Variants in CTNNA3 observed in about 807,000 individuals in gnomAD.
The protein encoded by CTNNA3 is catenin alpha 3, also known as catenin alpha-3.
A neutral mutation model predicts 95.7 loss-of-function variants in CTNNA3; 76 were observed. That is an observed-to-expected ratio of 0.79 (90% CI 0.66 to 0.96). The LOEUF (loss-of-function observed/expected upper bound fraction) is 0.96. Ranked by LOEUF, CTNNA3 falls within the 40% of genes least tolerant of loss-of-function variation. The pLI is 0.00. For missense variants in CTNNA3, 1,191 were observed against 1,089.8 expected (o/e 1.09, Z -1.31); for synonymous variants, 431 against 374.4 (o/e 1.15, Z -1.74).
chr10:66,518,034 C>A (rs1039944320), intron 11 of CTNNA3, among the ~76,000 whole-genome samples: 1 of 152,098 alleles, frequency 6.6e-6, no homozygotes, highest in Non-Finnish European at 1.5e-5. Flanking sequence ...CCAAGTCCTC[C>A]GTTTGCTAGG....
chr10:66,730,105 G>GGA (rs1554842374), intron 9 of CTNNA3, among the ~76,000 whole-genome samples: 7 of 134,210 alleles, frequency 5.2e-5, no homozygotes, highest in Admixed American at 1.5e-4. Flanking sequence ...TACTCTGTCT[G>GGA]AAAAAAAAAA....
intron 7 of CTNNA3, among the ~76,000 whole-genome samples, chr10:67,108,616 T>C (rs997838053): frequency 6.6e-6 from 1 of 152,180 alleles, no homozygotes; most frequent in Admixed American, 6.5e-5. Flanking sequence ...TGTGAAATGA[T>C]TGGGTTTGCT....
At chr10:66,846,510 A>G (rs1843284563) in intron 7 of CTNNA3, among the ~76,000 whole-genome samples, 1 of 151,658 alleles carries the variant, frequency 6.6e-6, no homozygotes, top group African/African-American at 2.4e-5. Context: ...ATGAGGGGAT[A>G]GATATGTTTG....
chr10:65,998,242 A>C (rs2078704303), intron 15 of CTNNA3, among the ~76,000 whole-genome samples: 1 of 152,216 alleles, frequency 6.6e-6, no homozygotes, highest in Non-Finnish European at 1.5e-5. Context: ...AGAAAAATGC[A>C]TACTGTTTTT....
chr10:67,687,487 G>A (rs1840756342), intron 1 of CTNNA3, among the ~76,000 whole-genome samples: 1 of 152,148 alleles, frequency 6.6e-6, no homozygotes, highest in African/African-American at 2.4e-5. Context: ...GAACCACCAA[G>A]GTTTGTTTGT....
At chr10:65,978,842 T>C (rs1211045813) in intron 16 of CTNNA3, among the ~76,000 whole-genome samples, 4 of 152,196 alleles carry the variant, frequency 2.6e-5, no homozygotes, top group Non-Finnish European at 5.9e-5. Flanking sequence ...TTAAGTATTT[T>C]TTTCTTTGCT....
intron 7 of CTNNA3, among the ~76,000 whole-genome samples, chr10:67,007,143 T>C (rs372328250): frequency 8.0e-4 from 122 of 152,282 alleles, no homozygotes; most frequent in South Asian, 1.5e-3. Flanking sequence ...CACTGTAGGT[T>C]CAAGAGCATT....
intron 7 of CTNNA3, among the ~76,000 whole-genome samples, chr10:67,172,469 T>C (rs1862061256): frequency 6.6e-6 from 1 of 152,080 alleles, no homozygotes; most frequent in African/African-American, 2.4e-5. Flanking sequence ...GTCAGAAAAA[T>C]GTGTTAAATC....
At chr10:67,046,245 C>A (rs1048209418) in intron 7 of CTNNA3, among the ~76,000 whole-genome samples, 3 of 152,138 alleles carry the variant, frequency 2.0e-5, no homozygotes, top group African/African-American at 7.2e-5. Flanking sequence ...CTATCATCTG[C>A]CCTATTTTCT....
chr10:66,306,502 T>C (rs1234158131), intron 12 of CTNNA3, among the ~76,000 whole-genome samples: 2 of 152,170 alleles, frequency 1.3e-5, no homozygotes, highest in Non-Finnish European at 2.9e-5. Context: ...GGTGCCAAAA[T>C]TAGAATTTAT....
At chr10:65,942,339 C>T (rs1459305892) in intron 17 of CTNNA3, among the ~76,000 whole-genome samples, 2 of 151,994 alleles carry the variant, frequency 1.3e-5, no homozygotes, top group African/African-American at 4.8e-5. Context: ...CCATCCTGGC[C>T]AACATGGTGA....
chr10:66,402,792 C>G (rs1589198257), intron 11 of CTNNA3, among the ~76,000 whole-genome samples: 1 of 152,134 alleles, frequency 6.6e-6, no homozygotes, highest in African/African-American at 2.4e-5. Context: ...ATGGTAACAT[C>G]TTAATGTCAC....
At chr10:66,464,947 A>G (rs1022966348) in intron 11 of CTNNA3, among the ~76,000 whole-genome samples, 2 of 152,084 alleles carry the variant, frequency 1.3e-5, no homozygotes, top group Non-Finnish European at 2.9e-5. Flanking sequence ...TACAAATATG[A>G]ACTTGTAAAG....
chr10:67,301,722 A>G (rs375303146), intron 5 of CTNNA3, among the ~76,000 whole-genome samples: 6 of 152,284 alleles, frequency 3.9e-5, no homozygotes, highest in African/African-American at 1.4e-4. Context: ...TAATCCCAGC[A>G]CTTTGGGAGG....
chr10:66,978,787 A>G (rs1038236615), intron 7 of CTNNA3, among the ~76,000 whole-genome samples: 2 of 150,960 alleles, frequency 1.3e-5, no homozygotes, highest in Non-Finnish European at 2.9e-5. Context: ...GTAGCATGAA[A>G]GCAAGGCCTG....
At chr10:67,094,606 C>T (rs2131922089) in intron 7 of CTNNA3, among the ~76,000 whole-genome samples, 1 of 151,698 alleles carries the variant, frequency 6.6e-6, no homozygotes, top group African/African-American at 2.4e-5. Context: ...AATTTTTATC[C>T]ATCTGATTAG....
Position 66,702,301 on chromosome 10 carries a change from T to C in CTNNA3, c.1281+63963A>G, listed in dbSNP as rs545303495. On this transcript the variant is annotated intron_variant, in intron 9 of 17. Transcript: ENST00000433211. Reference sequence around the variant, plus strand: ...ATAGGTTACTGTGTGCTGATTTTTTTTTAGGTGAGAGAAAAAAAAAATCAA... The same window carrying C: ...ATAGGTTACTGTGTGCTGATTTTTTCTTAGGTGAGAGAAAAAAAAAATCAA... 2.8e-3 allele frequency among the ~76,000 whole-genome samples: 421 copies of C among 152,146 alleles called. 1 individual carries two copies. The highest frequency in any genetic ancestry group is 9.3e-3 in the African/African-American group (384 of 41,508).
chr10:67,569,115 A>G (rs1408820962), intron 3 of CTNNA3, among the ~76,000 whole-genome samples: 4 of 152,280 alleles, frequency 2.6e-5, no homozygotes, highest in African/African-American at 9.6e-5. Context: ...GACTGATGAG[A>G]TAATTAGCTA....
chr10:66,286,882 C>T (rs985629993), intron 12 of CTNNA3, among the ~76,000 whole-genome samples: 3 of 151,912 alleles, frequency 2.0e-5, no homozygotes, highest in Non-Finnish European at 4.4e-5. Context: ...TCTTTCTGCC[C>T]ATTCTTCAGA....
Sources: gnomAD v4.1 joint callset for allele counts (sites outside exome capture counted in the v4.1 genomes callset) on GRCh38, gnomAD v4.1.1 for gene constraint, MANE v1.5 for transcripts, NCBI Gene and HGNC (gene_info 2026-07-23, HGNC 2026-07-21) for gene names.